FAAH2: variants seen among roughly 807,000 people sequenced by gnomAD.
FAAH2 encodes the protein fatty-acid amide hydrolase 2.
A neutral mutation model predicts 36.9 loss-of-function variants in FAAH2; 60 were observed. The observed-to-expected ratio is 1.63, with a 90% confidence interval of 1.32 to 2.02. The LOEUF is 2.02. Among genes scored for constraint, FAAH2 ranks in the 30% most tolerant of loss-of-function variants. The pLI is 0.00. For synonymous variants in FAAH2, 214 were observed against 143.8 expected (o/e 1.49, Z -3.49); for missense variants, 689 against 397.5 (o/e 1.73, Z -6.23).
chrX:57,258,008 A>G, the FAAH2 span, among the ~76,000 whole-genome samples: 1 of 111,969 alleles, frequency 8.9e-6, no homozygotes, highest in South Asian at 3.7e-4. Flanking sequence ...AACAAGAATA[A>G]CATAGCTAGT....
the FAAH2 span, among the ~76,000 whole-genome samples, chrX:57,233,286 C>T: frequency 1.8e-5 from 2 of 111,325 alleles, no homozygotes; most frequent in East Asian, 2.8e-4. Context: ...ATTGTAAACA[C>T]TTTGGTTTTA....
At chrX:57,143,214 A>G in the FAAH2 span, among the ~76,000 whole-genome samples, 1 of 110,240 alleles carries the variant, frequency 9.1e-6, no homozygotes, top group Non-Finnish European at 1.9e-5. Flanking sequence ...TTTGTGTATA[A>G]GTGATTTTTT....
At chrX:57,406,780 G>C (rs1427587963) in intron 7 of FAAH2, among the ~76,000 whole-genome samples, 1 of 111,943 alleles carries the variant, frequency 8.9e-6, no homozygotes, top group African/African-American at 3.3e-5. Flanking sequence ...TCTGTGTAGA[G>C]AGAGGAAGAT....
Position 57,417,796 on chromosome X carries a change from C to A in FAAH2, c.997-14122C>A, listed in dbSNP as rs1157931233. Among the ~76,000 whole-genome samples the A allele has an allele frequency of 4.5e-5, 5 of 112,042 alleles. No homozygotes were observed. The East Asian group carries it at 1.1e-3, about 25-fold the overall frequency. On this transcript the variant is annotated intron_variant, in intron 7 of 10. Coordinates refer to ENST00000374900, the MANE Select transcript of FAAH2 (RefSeq NM_174912.4). ...TGCTGCTCTCTTCAGAGTCAGCAGGCAGGAACTTTTAAGTCTGCTGAAGCT... is the reference window on the plus strand; with the variant it reads ...TGCTGCTCTCTTCAGAGTCAGCAGGAAGGAACTTTTAAGTCTGCTGAAGCT...
At chrX:57,348,123 C>A (rs2053880552) in intron 5 of FAAH2, among the ~76,000 whole-genome samples, 1 of 110,336 alleles carries the variant, frequency 9.1e-6, no homozygotes, top group Non-Finnish European at 1.9e-5. Context: ...TAAGTGTAAG[C>A]CCACAGGTCC....
chrX:57,144,393 A>G, the FAAH2 span, among the ~76,000 whole-genome samples: 4 of 108,792 alleles, frequency 3.7e-5, no homozygotes, highest in African/African-American at 1.0e-4. Context: ...ATTTATTTGA[A>G]TAAACATTCT....
the FAAH2 span, among the ~76,000 whole-genome samples, chrX:57,154,149 C>A: frequency 1.8e-5 from 2 of 110,669 alleles, no homozygotes. Context: ...TATTTTATTG[C>A]TGACACCTTC....
the FAAH2 span, among the ~76,000 whole-genome samples, chrX:57,229,848 C>T: frequency 9.0e-6 from 1 of 111,463 alleles, no homozygotes; most frequent in Non-Finnish European, 1.9e-5. Context: ...ATCTTGTCAC[C>T]TGATATTTAC....
the FAAH2 span, among the ~76,000 whole-genome samples, chrX:57,148,611 G>A: frequency 7.5e-3 from 840 of 111,841 alleles, 6 homozygotes; most frequent in African/African-American, 0.026. Context: ...CATTGATTTT[G>A]TACCCTGAGA....
chrX:57,296,879 T>G (rs1389373873), intron 2 of FAAH2, among the ~76,000 whole-genome samples: 2 of 110,694 alleles, frequency 1.8e-5, no homozygotes, highest in Admixed American at 9.6e-5. Flanking sequence ...ATGAATGAAA[T>G]GAAGCGAGAA....
At chrX:57,479,759 C>A (rs1044907401) in intron 10 of FAAH2, among the ~76,000 whole-genome samples, 1 of 111,442 alleles carries the variant, frequency 9.0e-6, no homozygotes, top group Non-Finnish European at 1.9e-5. Context: ...TGGTTTTTGT[C>A]TTGGTTCTGT....
the FAAH2 span, among the ~76,000 whole-genome samples, chrX:57,236,486 G>A: frequency 8.9e-6 from 1 of 111,932 alleles, no homozygotes; most frequent in Admixed American, 9.5e-5. Flanking sequence ...CTTTCTTCGT[G>A]TCCTTGACAG....
intron 7 of FAAH2, chrX:57,393,346 A>C (rs1348094124): frequency 7.9e-6 from 6 of 762,079 alleles, no homozygotes; most frequent in South Asian, 6.3e-5. Context: ...GAGCGCTGAC[A>C]GTGGCAACAA....
In FAAH2 at chrX:57,331,767, C is replaced by T. The variant is rs776609215; in HGVS notation, c.582C>T (p.Asn194=). The T allele has an allele frequency of 1.9e-5, 23 of 1,209,751 alleles. No homozygotes were observed. In the East Asian group the frequency reaches 6.8e-4, roughly 36 times the overall value. Residue 194 remains asparagine (N), a synonymous_variant, in exon 4 of 11, where the codon AAC becomes AAT. Transcript: ENST00000374900. ...ESSNKIYGRS[N]NPYDLQHIVG... ...GTAACAAGATCTATGGCCGATCAAA[C>T]AACCCATATGATTTACAGCATATTG...
the FAAH2 span, among the ~76,000 whole-genome samples, chrX:57,281,431 T>C: frequency 1.7e-4 from 19 of 112,058 alleles, no homozygotes; most frequent in Non-Finnish European, 3.4e-4. Context: ...TACTAAGACA[T>C]ACATTTGTTT....
rs1169884144 is a variant in FAAH2 at position 57,334,513 on chromosome X, T to TA, written c.622+2717dup. 3.2e-3 allele frequency among the ~76,000 whole-genome samples: 325 copies of TA among 101,045 alleles called. 1 individual carries two copies. The highest frequency in any genetic ancestry group is 8.2e-3 in the African/African-American group (230 of 27,900). 87.7% of individuals were successfully genotyped at this position (101,045 alleles called of 115,157 possible). The stretch of plus-strand genomic sequence containing the variant: ...TACAAACCAAAAACCTGAATTAATG[T>TA]AAAAAAAAAAAGAAAATTATTAGAG... On this transcript the variant is annotated intron_variant, in intron 4 of 10. Transcript: ENST00000374900.
At chrX:57,275,550 A>G in the FAAH2 span, among the ~76,000 whole-genome samples, 38 of 112,636 alleles carry the variant, frequency 3.4e-4, no homozygotes, top group African/African-American at 1.1e-3. Flanking sequence ...CATCATAACG[A>G]GAGGATCAAA....
chrX:57,263,395 A>C, the FAAH2 span, among the ~76,000 whole-genome samples: 1 of 111,749 alleles, frequency 8.9e-6, no homozygotes, highest in African/African-American at 3.2e-5. Context: ...CAAAACATGC[A>C]CTGGACCTGT....
chrX:57,154,208 T>A, the FAAH2 span, among the ~76,000 whole-genome samples: 4 of 110,041 alleles, frequency 3.6e-5, no homozygotes, highest in Non-Finnish European at 5.7e-5. Context: ...CCTGAAGTTG[T>A]CATTATTTTT....
Sources: allele counts gnomAD v4.1 joint callset (sites outside exome capture counted in the v4.1 genomes callset), GRCh38; gene constraint gnomAD v4.1.1; transcripts MANE v1.5; gene names NCBI Gene and HGNC (gene_info 2026-07-23, HGNC 2026-07-21).